The following TAFA5 variants were observed in gnomAD, a reference collection of about 807,000 sequenced individuals.
The protein encoded by TAFA5 is chemokine-like protein TAFA-5.
Under a neutral mutation model 15.3 loss-of-function variants are expected in TAFA5, and 6 were observed. The ratio of observed to expected loss-of-function variants is 0.39; its 90% CI spans 0.21 to 0.77. The LOEUF is 0.77. Among genes scored for constraint, TAFA5 ranks in the 30% least tolerant of loss-of-function variants. TAFA5 has a pLI of 0.41. For missense variants in TAFA5, 161 were observed against 193.1 expected, an observed-to-expected ratio of 0.83 and a Z score of 0.98; for synonymous variants, 103 against 80.7, an observed-to-expected ratio of 1.28 and a Z score of -1.48.
intron 1 of TAFA5, among the ~76,000 whole-genome samples, chr22:48,605,240 GTGATGA>G (rs200739737): frequency 8.6e-5 from 11 of 128,616 alleles, no homozygotes; most frequent in East Asian, 2.6e-4. Context: ...GGTAATGATG[GTGATGA>G]TGGTGATGAG....
In TAFA5 at chr22:48,707,883, G is replaced by A. The variant is rs985101401; in HGVS notation, c.390+39G>A. ...GGCTTTCTCGTGGGTGTGCTGGGGA[G>A]GGGGTATGTGTGTGCGGGCCTCCGA... On this transcript the variant is annotated intron_variant, in intron 3 of 3. Transcript: ENST00000402357. 1.9e-6 allele frequency: 3 copies of A among 1,597,350 alleles called. No individual in the cohort carries two copies. The African/African-American group carries it at 4.0e-5, about 21-fold the overall frequency.
chr22:48,692,571 G>T (rs1928576185), intron 2 of TAFA5, among the ~76,000 whole-genome samples: 1 of 152,144 alleles, frequency 6.6e-6, no homozygotes, highest in South Asian at 2.1e-4. Flanking sequence ...CCCTTACCTG[G>T]TTTTTGAAAG....
chr22:48,505,829 A>G (rs981633995), intron 1 of TAFA5, among the ~76,000 whole-genome samples: 2 of 152,178 alleles, frequency 1.3e-5, no homozygotes, highest in Non-Finnish European at 1.5e-5. Context: ...GCTCATTACT[A>G]TGAAAGGACA....
intron 1 of TAFA5, among the ~76,000 whole-genome samples, chr22:48,614,053 A>G (rs958331667): frequency 7.2e-5 from 11 of 152,174 alleles, no homozygotes; most frequent in Non-Finnish European, 1.3e-4. Context: ...TCCACCCTGC[A>G]CTTGCGAAGC....
chr22:48,622,468 G>A (rs559617368), intron 1 of TAFA5, among the ~76,000 whole-genome samples: 4 of 152,320 alleles, frequency 2.6e-5, no homozygotes, highest in Admixed American at 6.5e-5. Flanking sequence ...AGCACGGGGC[G>A]CTGGGGATTT....
rs1275404136 is a variant in TAFA5, at chr22:48,550,537, G to C, written c.112+60833G>C. Among the ~76,000 whole-genome samples, 1 of 152,206 alleles carries C rather than the reference G, an allele frequency of 6.6e-6. No individual in the cohort carries two copies. The highest frequency in any genetic ancestry group is 1.5e-5 in the Non-Finnish European group (1 of 68,016). On this transcript the variant is annotated intron_variant, in intron 1 of 3. Transcript: ENST00000402357. The surrounding 1 kb of genome is among the most constrained non-coding windows in gnomAD (Gnocchi z 4.1). Reference sequence around the variant, plus strand: ...GGAAATGCCGGCATTGTGTGAAGGAGTGTCTTGTATCAAAGCAGATATGCC... The same window carrying C: ...GGAAATGCCGGCATTGTGTGAAGGACTGTCTTGTATCAAAGCAGATATGCC...
At chr22:48,728,906 C>A (rs1929782148) in intron 3 of TAFA5, among the ~76,000 whole-genome samples, 1 of 152,144 alleles carries the variant, frequency 6.6e-6, no homozygotes, top group Non-Finnish European at 1.5e-5. Flanking sequence ...AAGGAGGAAG[C>A]AGATTACTAG....
chr22:48,574,661 C>T (rs1201215977), intron 1 of TAFA5, among the ~76,000 whole-genome samples: 3 of 152,170 alleles, frequency 2.0e-5, no homozygotes, highest in African/African-American at 7.2e-5. Flanking sequence ...GTTCAGGGTC[C>T]CAGGAAGCTT....
At chr22:48,730,455 C>T (rs1929839776) in intron 3 of TAFA5, among the ~76,000 whole-genome samples, 1 of 152,172 alleles carries the variant, frequency 6.6e-6, no homozygotes, top group Non-Finnish European at 1.5e-5. Context: ...AAAAGTGCGT[C>T]TTGCTACAGG....
rs927330846 is a variant in TAFA5, at chr22:48,550,770, G to A, written c.112+61066G>A. Among the ~76,000 whole-genome samples the A allele has an allele frequency of 2.6e-5, 4 of 152,082 alleles. No individual in the cohort carries two copies. The highest frequency in any genetic ancestry group is 4.4e-5 in the Non-Finnish European group (3 of 68,000). Reference sequence around the variant, plus strand: ...CCCCTACTCTGATCCACGGGTGTCTGGGCTCCAGAAAGCTTTCTCTGACCT... The same window carrying A: ...CCCCTACTCTGATCCACGGGTGTCTAGGCTCCAGAAAGCTTTCTCTGACCT... On this transcript the variant is annotated intron_variant, in intron 1 of 3. Transcript: ENST00000402357. This position sits in a 1 kb window ranked among gnomAD's most constrained non-coding sequence, Gnocchi z 4.1.
intron 1 of TAFA5, chr22:48,576,384 C>A: frequency 8.2e-7 from 1 of 1,221,768 alleles, no homozygotes; most frequent in Non-Finnish European, 1.0e-6. Context: ...AGGGCGCGAG[C>A]GGGCGGCCGC....
chr22:48,559,543 G>C (rs1404795188), intron 1 of TAFA5, among the ~76,000 whole-genome samples: 1 of 152,128 alleles, frequency 6.6e-6, no homozygotes, highest in Non-Finnish European at 1.5e-5. Flanking sequence ...AGGAAGGTGG[G>C]CCCCTTCCCC....
Position 48,696,644 on chromosome 22 carries a change from G to C in TAFA5, c.263-11073G>C, listed in dbSNP as rs375241266. Among the ~76,000 whole-genome samples, 5 of 152,346 alleles carry C rather than the reference G, an allele frequency of 3.3e-5. No homozygotes were observed. The East Asian group carries it at 7.7e-4, about 24-fold the overall frequency. On this transcript the variant is annotated intron_variant, in intron 2 of 3. Transcript: ENST00000402357. ...GGGAAACCCTGAAGGATCCCTGCAG[G>C]TGTCCAGGCAGCTGATGGCTGGGGT...
chr22:48,679,696 C>T (rs113733906), intron 2 of TAFA5, among the ~76,000 whole-genome samples: 2 of 111,696 alleles, frequency 1.8e-5, no homozygotes, highest in Non-Finnish European at 3.5e-5. Context: ...ATCCCTCTCC[C>T]GTCTCCCCGT....
intron 2 of TAFA5, among the ~76,000 whole-genome samples, chr22:48,707,443 T>C (rs130145): frequency 0.66 from 100,009 of 151,988 alleles, 33,445 homozygotes; most frequent in Non-Finnish European, 0.72. Context: ...TGGCTCTGCT[T>C]CACAGACATG....
At chr22:48,735,622 C>T (rs1300486300) in intron 3 of TAFA5, among the ~76,000 whole-genome samples, 1 of 152,216 alleles carries the variant, frequency 6.6e-6, no homozygotes, top group Non-Finnish European at 1.5e-5. Flanking sequence ...CAGTTAGGCA[C>T]TCTGTGGAGA....
rs367606360 is a variant in TAFA5, at chr22:48,490,131, G to T, written c.112+427G>T. Among the ~76,000 whole-genome samples, 1 of 152,262 alleles carries T rather than the reference G, an allele frequency of 6.6e-6. No individual in the cohort carries two copies. Among genetic ancestry groups the T allele is most frequent in the East Asian group, 1.9e-4 (1 of 5,146 alleles). On this transcript the variant is annotated intron_variant, in intron 1 of 3. Coordinates refer to ENST00000402357, the MANE Select transcript of TAFA5 (RefSeq NM_001082967.3). The surrounding 1 kb of genome is among the most constrained non-coding windows in gnomAD (Gnocchi z 5.8). ...CCCCGTGCCTCAGCCCGGGACAAGG[G>T]GGGAGGCGGCGGCCGAGCCCGGAGA...
intron 1 of TAFA5, among the ~76,000 whole-genome samples, chr22:48,535,284 C>T (rs936648625): frequency 5.9e-5 from 9 of 152,240 alleles, no homozygotes; most frequent in Non-Finnish European, 1.3e-4. Flanking sequence ...CACACTCCCA[C>T]ACACTGTGAC....
chr22:48,557,389 C>T (rs133456), intron 1 of TAFA5, among the ~76,000 whole-genome samples: 99,052 of 151,938 alleles, frequency 0.65, 32,691 homozygotes, highest in South Asian at 0.73. Context: ...GGAAGCAGCT[C>T]TGCCCACACC....
Sources: allele counts gnomAD v4.1 joint callset (sites outside exome capture counted in the v4.1 genomes callset), GRCh38; gene constraint gnomAD v4.1.1; non-coding constraint Gnocchi (gnomAD v3.1); transcripts MANE v1.5; gene names NCBI Gene and HGNC (gene_info 2026-07-23, HGNC 2026-07-21).